Variants in PPM1E observed in about 807,000 individuals in gnomAD.
The protein encoded by PPM1E is protein phosphatase 1E.
Under a neutral mutation model 65.9 loss-of-function variants are expected in PPM1E, and 20 were observed. That is an observed-to-expected ratio of 0.30 (90% CI 0.21 to 0.44). PPM1E has a LOEUF of 0.44. Among genes scored for constraint, PPM1E ranks in the 20% least tolerant of loss-of-function variants. The pLI is 1.00. For missense variants in PPM1E, 713 were observed against 953.1 expected (o/e 0.75, Z 3.32); for synonymous variants, 352 against 374.9 (o/e 0.94, Z 0.70).
chr17:58,863,485 C>T lies in PPM1E; in HGVS notation c.465-92164C>T, dbSNP rs374605111. Among the ~76,000 whole-genome samples the T allele has an allele frequency of 8.5e-5, 13 of 152,288 alleles. No homozygotes were observed. In the East Asian group the frequency reaches 1.3e-3, roughly 16 times the overall value. ...TAGCTCTGCCATCTGGAGGGAGTGC[C>T]GGCTACCCCTAGAGCCCCAGAGGGC... is the stretch of plus-strand genomic sequence containing the variant. On this transcript the variant is annotated intron_variant, in intron 1 of 6. Transcript: ENST00000308249.
At chr17:58,819,367 T>C (rs1361971364) in intron 1 of PPM1E, among the ~76,000 whole-genome samples, 1 of 152,226 alleles carries the variant, frequency 6.6e-6, no homozygotes, top group Non-Finnish European at 1.5e-5. Context: ...CAGGCTGGTC[T>C]TGAACGCCTG....
intron 1 of PPM1E, among the ~76,000 whole-genome samples, chr17:58,935,968 C>T (rs926368041): frequency 2.0e-5 from 3 of 149,352 alleles, no homozygotes; most frequent in Non-Finnish European, 4.5e-5. Flanking sequence ...CTATCTCTCC[C>T]CCCTCCCGCC....
chr17:58,976,553 C>T (rs1241886173), intron 6 of PPM1E, among the ~76,000 whole-genome samples: 1 of 152,198 alleles, frequency 6.6e-6, no homozygotes, highest in African/African-American at 2.4e-5. Context: ...AACAGTTTCT[C>T]CCCATGAGCC....
At chr17:58,844,667 A>G (rs904214689) in intron 1 of PPM1E, among the ~76,000 whole-genome samples, 5 of 152,224 alleles carry the variant, frequency 3.3e-5, no homozygotes, top group African/African-American at 1.2e-4. Flanking sequence ...AAAATGTGTT[A>G]ATGGAATTTA....
At chr17:58,854,832 A>G (rs1332391206) in intron 1 of PPM1E, among the ~76,000 whole-genome samples, 1 of 152,164 alleles carries the variant, frequency 6.6e-6, no homozygotes, top group African/African-American at 2.4e-5. Context: ...ATGATTTTCA[A>G]CCAAGTGAGA....
chr17:58,850,014 A>C (rs1204572550), intron 1 of PPM1E, among the ~76,000 whole-genome samples: 1 of 151,978 alleles, frequency 6.6e-6, no homozygotes, highest in Non-Finnish European at 1.5e-5. Context: ...TGTTGAATTG[A>C]TCCCTTTACC....
intron 1 of PPM1E, among the ~76,000 whole-genome samples, chr17:58,768,067 C>T (rs1406931164): frequency 6.6e-6 from 1 of 152,106 alleles, no homozygotes; most frequent in Non-Finnish European, 1.5e-5. Context: ...TCTCCTGCCT[C>T]ATCCTCCCAA....
intron 1 of PPM1E, among the ~76,000 whole-genome samples, chr17:58,837,499 C>CTT (rs570230875): frequency 0.04 from 5,313 of 131,242 alleles, 200 homozygotes; most frequent in African/African-American, 0.093. Flanking sequence ...AATCATGAGG[C>CTT]TTTTTTTTTT....
At chr17:58,939,291 A>G (rs1473492959) in intron 1 of PPM1E, among the ~76,000 whole-genome samples, 2 of 152,238 alleles carry the variant, frequency 1.3e-5, no homozygotes, top group Non-Finnish European at 2.9e-5. Flanking sequence ...CTATTTTTGA[A>G]ATAGAATTGA....
chr17:58,891,612 C>T (rs1217511514), intron 1 of PPM1E, among the ~76,000 whole-genome samples: 7 of 152,034 alleles, frequency 4.6e-5, no homozygotes, highest in East Asian at 1.9e-4. Flanking sequence ...CATGAGCCAA[C>T]GCGCCTGGCT....
intron 1 of PPM1E, among the ~76,000 whole-genome samples, chr17:58,909,005 A>G (rs533491713): frequency 1.2e-4 from 18 of 151,404 alleles, no homozygotes; most frequent in Non-Finnish European, 2.4e-4. Context: ...TGTTGCCATT[A>G]TTATGAACAA....
At chr17:58,830,924 A>G (rs1005981927) in intron 1 of PPM1E, among the ~76,000 whole-genome samples, 1 of 151,252 alleles carries the variant, frequency 6.6e-6, no homozygotes, top group Non-Finnish European at 1.5e-5. Context: ...TCCTCAAGTG[A>G]TCCACCCGCC....
At chr17:58,805,985 C>CA (rs1217000216) in intron 1 of PPM1E, among the ~76,000 whole-genome samples, 7 of 77,476 alleles carry the variant, frequency 9.0e-5, no homozygotes, top group African/African-American at 4.2e-4. Flanking sequence ...AAAAAAAAAA[C>CA]AAAACAAAAC....
At chr17:58,880,537 T>G (rs1216934053) in intron 1 of PPM1E, among the ~76,000 whole-genome samples, 1 of 152,216 alleles carries the variant, frequency 6.6e-6, no homozygotes, top group Non-Finnish European at 1.5e-5. Flanking sequence ...ATCTTTTGGC[T>G]AGACTCACAG....
chr17:58,758,653 A>T (rs569725647), intron 1 of PPM1E, among the ~76,000 whole-genome samples: 1 of 152,330 alleles, frequency 6.6e-6, no homozygotes, highest in East Asian at 1.9e-4. Flanking sequence ...TAAAGTTGGA[A>T]AATATTTCCG....
Position 58,965,776 on chromosome 17 carries a change from C to T in PPM1E, c.666C>T (p.Leu222=). ...ICCSWVKDFP[L]RRRPQLYYET... ...GCAGCTGGGTGAAAGACTTCCCCCTCCGCAGGAGACCCCAGCTTTATTATG... is the reference window on the plus strand; with the variant it reads ...GCAGCTGGGTGAAAGACTTCCCCCTTCGCAGGAGACCCCAGCTTTATTATG... Residue 222 remains leucine (L), a synonymous_variant, in exon 3 of 7, where the codon CTC becomes CTT. Coordinates refer to ENST00000308249, the MANE Select transcript of PPM1E (RefSeq NM_014906.5). The T allele has an allele frequency of 3.1e-6, 5 of 1,614,150 alleles. No individual in the cohort carries two copies. Among genetic ancestry groups the T allele is most frequent in the Non-Finnish European group, 4.2e-6 (5 of 1,180,020 alleles).
intron 1 of PPM1E, among the ~76,000 whole-genome samples, chr17:58,902,689 G>A (rs761627792): frequency 6.6e-6 from 1 of 152,084 alleles, no homozygotes; most frequent in Non-Finnish European, 1.5e-5. Flanking sequence ...CTTACTGACA[G>A]TAACAATCAA....
intron 1 of PPM1E, among the ~76,000 whole-genome samples, chr17:58,762,136 AT>A (rs1424558860): frequency 1.3e-5 from 2 of 152,188 alleles, no homozygotes; most frequent in Non-Finnish European, 2.9e-5. Flanking sequence ...GAGTAAATAG[AT>A]TTATGGATTA....
chr17:58,928,413 AG>A (rs1375147570), intron 1 of PPM1E, among the ~76,000 whole-genome samples: 1 of 151,974 alleles, frequency 6.6e-6, no homozygotes, highest in Non-Finnish European at 1.5e-5. Flanking sequence ...GAACTCTTAG[AG>A]AAGGTATTTG....
Sources: gnomAD v4.1 joint callset for allele counts (sites outside exome capture counted in the v4.1 genomes callset) on GRCh38, gnomAD v4.1.1 for gene constraint, MANE v1.5 for transcripts, NCBI Gene and HGNC (gene_info 2026-07-23, HGNC 2026-07-21) for gene names.